C12orf76: variants seen among roughly 807,000 people sequenced by gnomAD.
The protein encoded by C12orf76 is chromosome 12 open reading frame 76.
C12orf76 carries 6 observed loss-of-function variants against 6.8 expected under a neutral mutation model. That is an observed-to-expected ratio of 0.88 (90% confidence interval 0.48 to 1.73). The LOEUF is 1.73. Among genes scored for constraint, C12orf76 ranks in the 40% most tolerant of loss-of-function variants. The pLI, the probability that C12orf76 is intolerant of heterozygous loss-of-function variation, is 0.01. For missense variants in C12orf76, 99 were observed against 98.2 expected, an observed-to-expected ratio of 1.01 and a Z score of -0.03; for synonymous variants, 56 against 43.7, an observed-to-expected ratio of 1.28 and a Z score of -1.11.
exon 1 of C12orf76, chr12:110,073,492 CT>C: frequency 1.9e-6 from 1 of 521,720 alleles, no homozygotes. Context: ...ATCCGGGCGA[CT>C]TTGTTTGTCT....
In C12orf76 at chr12:110,042,093, A is replaced by G. The variant is rs1188254975; in HGVS notation, c.*281T>C. 1 of 472,022 alleles carries G rather than the reference A, an allele frequency of 2.1e-6. No individual in the cohort carries two copies. The highest frequency in any genetic ancestry group is 3.9e-6 in the Non-Finnish European group (1 of 259,624). The allele number at this position is 472,022 out of a possible 1,614,324, so 29.2% of individuals were successfully genotyped here. ...TTACCATGTTTTCTTTCTCATGAAC[A>G]CTCCATCTTTACACTGACCTTTGGA... On this transcript the variant is annotated 3_prime_UTR_variant, in exon 2 of 2. Coordinates refer to ENST00000615315, the MANE Select transcript of C12orf76 (RefSeq NM_001389625.1).
At chr12:110,070,237 CAAAAAAA>C (rs777312169), upstream of C12orf76, among the ~76,000 whole-genome samples, 1 of 103,912 alleles carries the variant, frequency 9.6e-6, no homozygotes, top group Non-Finnish European at 2.0e-5. Flanking sequence ...GACCCCATTT[CAAAAAAA>C]AAAAAAGAAA....
Position 110,073,187 on chromosome 12 carries a change from C to T in C12orf76, n.213+235G>A, listed in dbSNP as rs138224146. Reference sequence around the variant, plus strand: ...CCCTGCCCTGCTCTCCCTGGCGGGCCTGGAGTAGATCAGAAATGAATCCCG... The same window carrying T: ...CCCTGCCCTGCTCTCCCTGGCGGGCTTGGAGTAGATCAGAAATGAATCCCG... On this transcript the variant is annotated intron_variant and non_coding_transcript_variant, in intron 1 of 1. Transcript: ENST00000548936. Among the ~76,000 whole-genome samples the T allele has an allele frequency of 3.6e-4, 55 of 152,256 alleles. No homozygotes were observed. The East Asian group carries it at 0.01, about 28-fold the overall frequency.
upstream of C12orf76, among the ~76,000 whole-genome samples, chr12:110,068,254 AAG>A (rs1491107361): frequency 1.4e-4 from 6 of 42,594 alleles, no homozygotes; most frequent in Admixed American, 7.9e-4. Context: ...AAGAAAGAAG[AAG>A]AAGAAGAAGA....
chr12:110,046,620 A>T (rs150913684), intron 1 of C12orf76, among the ~76,000 whole-genome samples: 1 of 152,150 alleles, frequency 6.6e-6, no homozygotes, highest in African/African-American at 2.4e-5. Flanking sequence ...CTGGTCTCTA[A>T]GTGCTTGGAT....
At chr12:110,045,508 C>T in intron 1 of C12orf76, among the ~76,000 whole-genome samples, 1 of 151,986 alleles carries the variant, frequency 6.6e-6, no homozygotes, top group South Asian at 2.1e-4. Flanking sequence ...ATCACCTGAA[C>T]CAGGGAGTCG....
intron 4 of C12orf76, chr12:110,057,137 T>C: frequency 7.6e-7 from 1 of 1,312,806 alleles, no homozygotes; most frequent in African/African-American, 1.4e-5. Flanking sequence ...AAAGTTGTTC[T>C]TCAGAGTCCC....
At chr12:110,050,829 T>TG (rs113606783), upstream of C12orf76, 70,485 of 602,486 alleles carry the variant, frequency 0.12, 7,981 homozygotes, top group African/African-American at 0.46. Context: ...GGACTTGCCC[T>TG]AATTCTTTCT....
intron 2 of C12orf76, among the ~76,000 whole-genome samples, chr12:110,062,718 C>A (rs1807137404): frequency 1.3e-5 from 2 of 149,288 alleles, no homozygotes; most frequent in African/African-American, 4.9e-5. Context: ...TTCCCAGGAT[C>A]AAGCGATCCT....
At chr12:110,048,322 T>TC in intron 1 of C12orf76, 41 bp downstream of exon 1, 1 of 1,468,696 alleles carries the variant, frequency 6.8e-7, no homozygotes, top group Non-Finnish European at 9.0e-7. Context: ...CAGTGAAAGC[T>TC]CAGGCACTAC....
intron 2 of C12orf76, among the ~76,000 whole-genome samples, chr12:110,060,726 T>G (rs1163873650): frequency 1.3e-5 from 2 of 152,146 alleles, no homozygotes; most frequent in Non-Finnish European, 2.9e-5. Flanking sequence ...CCCATCTATA[T>G]GCTGGTGATA....
At chr12:110,052,927 G>A (rs570847780), upstream of C12orf76, among the ~76,000 whole-genome samples, 1 of 152,364 alleles carries the variant, frequency 6.6e-6, no homozygotes, top group South Asian at 2.1e-4. Flanking sequence ...TCATGGCTGG[G>A]CGCAGTGGCT....
chr12:110,067,933 C>T (rs560703314), upstream of C12orf76, among the ~76,000 whole-genome samples: 32 of 146,692 alleles, frequency 2.2e-4, no homozygotes, highest in Non-Finnish European at 4.6e-4. Context: ...AGCCAAAGGC[C>T]GGGTGCGGTG....
At chr12:110,051,466 G>A (rs560467424), upstream of C12orf76, among the ~76,000 whole-genome samples, 8 of 151,724 alleles carry the variant, frequency 5.3e-5, no homozygotes, top group Middle Eastern at 6.8e-3. Context: ...TTGCTCTGTC[G>A]CCCAGGTTGG....
intron 1 of C12orf76, among the ~76,000 whole-genome samples, chr12:110,047,687 G>GA (rs919643361): frequency 5.3e-5 from 8 of 149,818 alleles, no homozygotes; most frequent in Admixed American, 6.6e-5. Context: ...TATTGTAAAA[G>GA]AAAAAAAAAG....
chr12:110,065,771 C>G, intron 2 of C12orf76: 2 of 1,610,074 alleles, frequency 1.2e-6, no homozygotes, highest in Non-Finnish European at 1.7e-6. Flanking sequence ...CTGCATAATA[C>G]TTTTCAGTGG....
chr12:110,042,365 G>A lies in C12orf76; in HGVS notation c.*9C>T. The stretch of plus-strand genomic sequence containing the variant: ...TTCCCAAATACTCATTGAAGAACTT[G>A]TCTGGCTGTCACCGACGCCGAATGG... On this transcript the variant is annotated 3_prime_UTR_variant, in exon 2 of 2. Coordinates refer to ENST00000615315, the MANE Select transcript of C12orf76 (RefSeq NM_001389625.1). The A allele has an allele frequency of 4.3e-6, 7 of 1,611,408 alleles. No individual in the cohort carries two copies. Among genetic ancestry groups the A allele is most frequent in the South Asian group, 1.1e-5 (1 of 91,006 alleles).
intron 2 of C12orf76, among the ~76,000 whole-genome samples, chr12:110,065,331 C>T (rs1892840816): frequency 6.6e-6 from 1 of 151,870 alleles, no homozygotes. Context: ...CCACCACGCC[C>T]AGCTAATTTT....
chr12:110,049,941 C>T (rs1892548193), upstream of C12orf76: 2 of 152,214 alleles, frequency 1.3e-5, no homozygotes, highest in South Asian at 4.1e-4. Flanking sequence ...TCAATCACGA[C>T]CCTTTCATGT....
Sources: allele counts gnomAD v4.1 joint callset (sites outside exome capture counted in the v4.1 genomes callset), GRCh38; gene constraint gnomAD v4.1.1; transcripts MANE v1.5; gene names NCBI Gene and HGNC (gene_info 2026-07-23, HGNC 2026-07-21).